Variants in ENOX1 observed in about 807,000 individuals in gnomAD.
The protein encoded by ENOX1 is candidate growth-related and time keeping constitutive hydroquinone (NADH) oxidase.
ENOX1 carries 42 observed loss-of-function variants against 82.5 expected under a neutral mutation model. That is an observed-to-expected ratio of 0.51 (90% confidence interval 0.40 to 0.66). ENOX1 has a LOEUF of 0.66. Ranked by LOEUF, ENOX1 falls within the 30% of genes least tolerant of loss-of-function variation. The pLI, the probability that ENOX1 is intolerant of heterozygous loss-of-function variation, is 0.00. For missense variants in ENOX1, 608 were observed against 811.6 expected (o/e 0.75, Z 3.05); for synonymous variants, 271 against 282.2 (o/e 0.96, Z 0.40).
intron 1 of ENOX1, among the ~76,000 whole-genome samples, chr13:43,709,932 T>A (rs2087575981): frequency 6.6e-6 from 1 of 152,188 alleles, no homozygotes; most frequent in South Asian, 2.1e-4. Context: ...CAGTGAGTTT[T>A]ACTTTCAACA....
At chr13:43,250,647 G>A (rs1276780022) in intron 14 of ENOX1, among the ~76,000 whole-genome samples, 1 of 152,188 alleles carries the variant, frequency 6.6e-6, no homozygotes, top group Non-Finnish European at 1.5e-5. Flanking sequence ...AGTATAATTT[G>A]ATTGAATTTA....
intron 3 of ENOX1, among the ~76,000 whole-genome samples, chr13:43,416,021 C>T (rs79749871): frequency 4.2e-3 from 251 of 59,978 alleles, no homozygotes; most frequent in African/African-American, 4.4e-3. Flanking sequence ...ACGGGGCAGC[C>T]GGGCAGAGGC....
rs1458948387 is a variant in ENOX1, at chr13:43,224,131, T to C, written c.1722A>G (p.Ile574Met). The C allele has an allele frequency of 6.2e-7, 1 of 1,613,474 alleles. No individual in the cohort carries two copies. Among genetic ancestry groups the C allele is most frequent in the South Asian group, 1.1e-5 (1 of 91,044 alleles). ...AAGGATGGACGTGAAGAAACGTTGA[T>C]ATGATACCTGAATTAAAAAGGCAAA... is the stretch of plus-strand genomic sequence containing the variant. Reference protein sequence around the residue: ...SEKEALLIGIISTFLHVHPFG... With the variant: ...SEKEALLIGIMSTFLHVHPFG... The change falls in exon 16 of 17, where the codon ATA becomes ATG. Residue 574 changes from isoleucine (I) to methionine (M), a missense_variant. By Grantham distance (10) the Ile-to-Met change is conservative. Transcript: ENST00000690772.
chr13:43,233,595 G>C (rs2042385445), intron 15 of ENOX1, among the ~76,000 whole-genome samples: 1 of 152,032 alleles, frequency 6.6e-6, no homozygotes, highest in Non-Finnish European at 1.5e-5. Context: ...TCTAGCCTCA[G>C]TTTTATTCTT....
In ENOX1 at chr13:43,472,331, T is replaced by A. The variant is rs146453043; in HGVS notation, c.-75+11678A>T. ...GCACACTTTGTTAAAACAATTGTTA[T>A]GTTTGTTGCATAGAAAAAAATCAGA... On this transcript the variant is annotated intron_variant, in intron 3 of 16. Transcript: ENST00000690772. 9.6e-3 allele frequency among the ~76,000 whole-genome samples: 1,465 copies of A among 152,320 alleles called. 10 individuals carry two copies. Among genetic ancestry groups the A allele is most frequent in the Non-Finnish European group, 0.017 (1,143 of 68,020 alleles).
At chr13:43,595,723 C>T (rs2081440565) in intron 2 of ENOX1, among the ~76,000 whole-genome samples, 1 of 152,178 alleles carries the variant, frequency 6.6e-6, no homozygotes, top group Admixed American at 6.5e-5. Context: ...ATCAAATTCA[C>T]TTAGAAAATA....
intron 9 of ENOX1, among the ~76,000 whole-genome samples, chr13:43,332,953 T>C (rs2153535444): frequency 6.6e-6 from 1 of 152,330 alleles, no homozygotes; most frequent in Admixed American, 6.5e-5. Context: ...TAACAGATCC[T>C]AGCACATCCA....
intron 12 of ENOX1, among the ~76,000 whole-genome samples, chr13:43,272,943 A>G (rs554063568): frequency 1.3e-5 from 2 of 152,288 alleles, no homozygotes; most frequent in South Asian, 2.1e-4. Flanking sequence ...GTGCCTTGCT[A>G]ATTGCCAGCT....
At chr13:43,749,443 T>G (rs1950194580) in intron 1 of ENOX1, among the ~76,000 whole-genome samples, 1 of 152,250 alleles carries the variant, frequency 6.6e-6, no homozygotes. Context: ...TTTTTACCTT[T>G]GAACAGGTAC....
In ENOX1 at chr13:43,608,899, C is replaced by T. The variant is rs12429096; in HGVS notation, c.-219+58580G>A. 2.9e-3 allele frequency among the ~76,000 whole-genome samples: 448 copies of T among 152,272 alleles called. 4 individuals carry two copies. Among genetic ancestry groups the T allele is most frequent in the East Asian group, 0.027 (142 of 5,182 alleles). On this transcript the variant is annotated intron_variant, in intron 2 of 16. Coordinates refer to ENST00000690772, the MANE Select transcript of ENOX1 (RefSeq NM_001347969.2). ...CTAAATGTTACTCCTTATTGCTGGGCCTCCTCTAACGTCAGTGTCAGCTAC... is the reference window on the plus strand; with the variant it reads ...CTAAATGTTACTCCTTATTGCTGGGTCTCCTCTAACGTCAGTGTCAGCTAC...
intron 9 of ENOX1, among the ~76,000 whole-genome samples, chr13:43,344,034 A>G (rs1261922578): frequency 6.6e-6 from 1 of 152,176 alleles, no homozygotes; most frequent in Non-Finnish European, 1.5e-5. Flanking sequence ...GGACAAAAAA[A>G]TCTCTACTCT....
intron 1 of ENOX1, among the ~76,000 whole-genome samples, chr13:43,669,927 A>G (rs944365291): frequency 2.6e-5 from 4 of 152,182 alleles, no homozygotes; most frequent in African/African-American, 9.7e-5. Context: ...TGTAAAACAT[A>G]CTAGACCAAA....
chr13:43,375,604 A>G (rs1006834774), intron 5 of ENOX1, among the ~76,000 whole-genome samples: 1 of 152,220 alleles, frequency 6.6e-6, no homozygotes, highest in African/African-American at 2.4e-5. Flanking sequence ...AGGCACACAA[A>G]GTACCTATAT....
intron 3 of ENOX1, among the ~76,000 whole-genome samples, chr13:43,475,288 T>C (rs1399637065): frequency 1.3e-5 from 2 of 152,156 alleles, no homozygotes; most frequent in Non-Finnish European, 2.9e-5. Context: ...TGATTCCACA[T>C]GTCCACAACA....
intron 2 of ENOX1, among the ~76,000 whole-genome samples, chr13:43,663,111 T>G (rs1344581446): frequency 1.3e-5 from 2 of 152,110 alleles, no homozygotes; most frequent in East Asian, 3.8e-4. Flanking sequence ...TGACTTCCCT[T>G]TGGAAGCAGT....
chr13:43,682,532 G>T (rs2085843881), intron 1 of ENOX1, among the ~76,000 whole-genome samples: 1 of 151,924 alleles, frequency 6.6e-6, no homozygotes, highest in African/African-American at 2.4e-5. Flanking sequence ...AATGCAGGCT[G>T]GCCACCATGG....
At chr13:43,690,995 C>T (rs2086334593) in intron 1 of ENOX1, among the ~76,000 whole-genome samples, 2 of 152,152 alleles carry the variant, frequency 1.3e-5, no homozygotes, top group South Asian at 4.1e-4. Flanking sequence ...GCAAAATTCA[C>T]AATTTGGACA....
chr13:43,503,883 T>C (rs994379057), intron 2 of ENOX1, among the ~76,000 whole-genome samples: 2 of 151,318 alleles, frequency 1.3e-5, no homozygotes, highest in African/African-American at 4.8e-5. Flanking sequence ...ACAAAGGAAA[T>C]AATCAACAAA....
intron 3 of ENOX1, among the ~76,000 whole-genome samples, chr13:43,454,037 CTT>C (rs2057103472): frequency 6.6e-6 from 1 of 152,056 alleles, no homozygotes; most frequent in African/African-American, 2.4e-5. Context: ...TTCTTCCTCT[CTT>C]GTTTTTGCTT....
Sources: gnomAD v4.1 joint callset for allele counts (sites outside exome capture counted in the v4.1 genomes callset) on GRCh38, gnomAD v4.1.1 for gene constraint, MANE v1.5 for transcripts, NCBI Gene and HGNC (gene_info 2026-07-23, HGNC 2026-07-21) for gene names.